Variants in ITGB8 observed in about 807,000 individuals in gnomAD.
ITGB8 encodes the protein integrin subunit beta 8.
A neutral mutation model predicts 89.5 loss-of-function variants in ITGB8; 30 were observed. That is an observed-to-expected ratio of 0.34 (90% CI 0.25 to 0.45). The LOEUF (loss-of-function observed/expected upper bound fraction) is 0.45, where lower values mean the gene tolerates loss of function less well. Among genes scored for constraint, ITGB8 ranks in the 20% least tolerant of loss-of-function variants. ITGB8 has a pLI of 1.00. For synonymous variants in ITGB8, 335 were observed against 320.4 expected (o/e 1.05, Z -0.49); for missense variants, 836 against 933.3 (o/e 0.90, Z 1.36).
At position 20,410,074 on chromosome 7, in the gene ITGB8, C is replaced by A. The variant is rs950590129; in HGVS notation, c.*77C>A. ...CTAAAGATTATAATTTTAAAAGTCA[C>A]AGGAGGAGACAAATTGCTCACGGTC... is the stretch of plus-strand genomic sequence containing the variant. On this transcript the variant is annotated 3_prime_UTR_variant, in exon 14 of 14. Coordinates refer to ENST00000222573, the MANE Select transcript of ITGB8 (RefSeq NM_002214.3). 1 of 1,447,726 alleles carries A rather than the reference C, an allele frequency of 6.9e-7. No individual in the cohort carries two copies. The highest frequency in any genetic ancestry group is 9.4e-7 in the Non-Finnish European group (1 of 1,058,866). 89.7% of individuals were successfully genotyped at this position (1,447,726 alleles called of 1,614,324 possible).
chr7:20,350,027 A>C (rs566937335), intron 1 of ITGB8, among the ~76,000 whole-genome samples: 1 of 152,336 alleles, frequency 6.6e-6, no homozygotes, highest in African/African-American at 2.4e-5. Context: ...ACAGTGCCAA[A>C]ACACAAAACA....
chr7:20,380,572 C>A, intron 4 of ITGB8, 94 bp from the exon 5 acceptor site: 1 of 996,340 alleles, frequency 1.0e-6, no homozygotes, highest in Admixed American at 2.2e-5. Context: ...AAGAAGTACT[C>A]CCTTTTCACA....
intron 8 of ITGB8, among the ~76,000 whole-genome samples, chr7:20,398,626 TA>T (rs565130678): frequency 3.9e-5 from 6 of 151,956 alleles, no homozygotes; most frequent in African/African-American, 7.3e-5. Flanking sequence ...TGGAAATATG[TA>T]AAAAAAATAG....
chr7:20,398,016 A>G (rs1787159961), intron 8 of ITGB8, among the ~76,000 whole-genome samples: 1 of 148,644 alleles, frequency 6.7e-6, no homozygotes, highest in Admixed American at 6.7e-5. Context: ...TCTTAGTTGT[A>G]TGGAATAAAA....
chr7:20,397,056 AAG>A (rs1380980578), intron 8 of ITGB8, among the ~76,000 whole-genome samples: 3 of 152,154 alleles, frequency 2.0e-5, no homozygotes, highest in African/African-American at 7.2e-5. Flanking sequence ...CAATCCATTG[AAG>A]AATTATATAG....
chr7:20,333,660 G>A (rs1784486479), intron 1 of ITGB8, among the ~76,000 whole-genome samples: 1 of 152,254 alleles, frequency 6.6e-6, no homozygotes, highest in South Asian at 2.1e-4. Context: ...GTCTAAAACT[G>A]ATTTGAAGGA....
intron 1 of ITGB8, among the ~76,000 whole-genome samples, chr7:20,362,100 T>C (rs938963246): frequency 6.6e-6 from 1 of 152,210 alleles, no homozygotes; most frequent in African/African-American, 2.4e-5. Context: ...TTAGCACTTC[T>C]AACTGCAAAC....
rs1373476900 is a variant in ITGB8 at position 20,387,364 on chromosome 7, AG to A, written c.961-4037del. 9.8e-5 allele frequency among the ~76,000 whole-genome samples: 15 copies of A among 152,332 alleles called. No individual in the cohort carries two copies. In the East Asian group the frequency reaches 2.9e-3, roughly 29 times the overall value. On this transcript the variant is annotated intron_variant, in intron 6 of 13. Transcript: ENST00000222573. ...TTAATAATTACAGAACAGTAAGTGAAGGCTTTACGAAGTTAACCTATTTAAT... is the reference window on the plus strand; with the variant it reads ...TTAATAATTACAGAACAGTAAGTGAAGCTTTACGAAGTTAACCTATTTAAT...
chr7:20,376,529 C>G (rs567151917), intron 3 of ITGB8, among the ~76,000 whole-genome samples: 1 of 152,240 alleles, frequency 6.6e-6, no homozygotes, highest in Non-Finnish European at 1.5e-5. Flanking sequence ...ATACTGATGC[C>G]TAGGACACCT....
intron 3 of ITGB8, among the ~76,000 whole-genome samples, chr7:20,372,132 A>G (rs947140322): frequency 6.6e-6 from 1 of 152,206 alleles, no homozygotes; most frequent in African/African-American, 2.4e-5. Context: ...TCTAATAACT[A>G]TAACTATATT....
chr7:20,357,789 A>G (rs1785348979), intron 1 of ITGB8, among the ~76,000 whole-genome samples: 1 of 152,238 alleles, frequency 6.6e-6, no homozygotes, highest in Admixed American at 6.5e-5. Context: ...CTACCTCATC[A>G]CACCTGTTGT....
chr7:20,336,417 C>A (rs867931707), intron 1 of ITGB8, among the ~76,000 whole-genome samples: 1 of 152,204 alleles, frequency 6.6e-6, no homozygotes, highest in African/African-American at 2.4e-5. Context: ...CACTACACGC[C>A]TAAAGGCAAA....
At chr7:20,378,460 G>A (rs928295988) in intron 3 of ITGB8, among the ~76,000 whole-genome samples, 7 of 152,190 alleles carry the variant, frequency 4.6e-5, no homozygotes, top group Non-Finnish European at 5.9e-5. Flanking sequence ...CTGATGGGAA[G>A]AATCTTACCA....
chr7:20,372,820 T>G (rs943907118), intron 3 of ITGB8, among the ~76,000 whole-genome samples: 12 of 152,196 alleles, frequency 7.9e-5, no homozygotes, highest in Non-Finnish European at 2.9e-5. Flanking sequence ...GAGGCAGAAC[T>G]AGTTTATAAC....
chr7:20,408,066 G>A (rs1420439897), intron 12 of ITGB8, among the ~76,000 whole-genome samples: 1 of 152,156 alleles, frequency 6.6e-6, no homozygotes. Context: ...CAGTCTCTCT[G>A]GCTGAGCTCC....
At chr7:20,341,445 A>G (rs1446731636) in intron 1 of ITGB8, among the ~76,000 whole-genome samples, 1 of 152,216 alleles carries the variant, frequency 6.6e-6, no homozygotes, top group Non-Finnish European at 1.5e-5. Flanking sequence ...AGTGAGGGCC[A>G]ACGTATATAA....
At chr7:20,395,902 G>C (rs1242969833) in intron 8 of ITGB8, among the ~76,000 whole-genome samples, 1 of 152,184 alleles carries the variant, frequency 6.6e-6, no homozygotes, top group Non-Finnish European at 1.5e-5. Context: ...GATACCACCT[G>C]TTTTTCATTG....
intron 6 of ITGB8, among the ~76,000 whole-genome samples, chr7:20,390,461 T>C (rs1053058820): frequency 2.6e-5 from 4 of 152,130 alleles, no homozygotes; most frequent in African/African-American, 7.2e-5. Flanking sequence ...TCATCAGATT[T>C]CTCATGTTCT....
chr7:20,387,210 A>C (rs1017697052), intron 6 of ITGB8, among the ~76,000 whole-genome samples: 2 of 152,178 alleles, frequency 1.3e-5, no homozygotes, highest in African/African-American at 4.8e-5. Context: ...CTTTACTTCT[A>C]CTTTATAAAT....
Sources: gnomAD v4.1 joint callset for allele counts (sites outside exome capture counted in the v4.1 genomes callset) on GRCh38, gnomAD v4.1.1 for gene constraint, MANE v1.5 for transcripts, NCBI Gene and HGNC (gene_info 2026-07-23, HGNC 2026-07-21) for gene names.